MAGI1: variants seen among roughly 807,000 people sequenced by gnomAD.
MAGI1 encodes membrane-associated guanylate kinase, WW and PDZ domain-containing protein 1.
Under a neutral mutation model 139.9 loss-of-function variants are expected in MAGI1, and 58 were observed. The ratio of observed to expected loss-of-function variants is 0.41; its 90% CI spans 0.34 to 0.52. The LOEUF (loss-of-function observed/expected upper bound fraction) is 0.52. Among genes scored for constraint, MAGI1 ranks in the 20% least tolerant of loss-of-function variants. MAGI1 has a pLI of 0.12. For missense variants in MAGI1, 1,874 were observed against 1,901.6 expected (o/e 0.99, Z 0.27); for synonymous variants, 812 against 737.9 (o/e 1.10, Z -1.63).
At chr3:65,518,155 C>T (rs965616202) in intron 2 of MAGI1, among the ~76,000 whole-genome samples, 1 of 152,058 alleles carries the variant, frequency 6.6e-6, no homozygotes, top group Non-Finnish European at 1.5e-5. Context: ...AACCAGAAGA[C>T]ATTGTCTAGG....
At chr3:65,621,917 T>TCACACACATA in intron 2 of MAGI1, 55 bp downstream of exon 2, 3 of 986,070 alleles carry the variant, frequency 3.0e-6, no homozygotes, top group Non-Finnish European at 4.6e-6. Flanking sequence ...CCTGGACTTT[T>TCACACACATA]CACACACACA....
At chr3:65,443,006 T>C (rs1238094082) in intron 7 of MAGI1, among the ~76,000 whole-genome samples, 157 bp from the exon 8 acceptor site, 1 of 152,168 alleles carries the variant, frequency 6.6e-6, no homozygotes, top group Non-Finnish European at 1.5e-5. Context: ...AAGTATCTAT[T>C]ATTTTATAAG....
chr3:65,694,267 A>C (rs190121052), intron 1 of MAGI1, among the ~76,000 whole-genome samples: 1 of 152,340 alleles, frequency 6.6e-6, no homozygotes, highest in Admixed American at 6.5e-5. Context: ...TCATATAAAT[A>C]CTTAAGAAGT....
At chr3:65,507,753 A>G (rs2077358888) in intron 2 of MAGI1, among the ~76,000 whole-genome samples, 2 of 152,224 alleles carry the variant, frequency 1.3e-5, no homozygotes, top group African/African-American at 4.8e-5. Flanking sequence ...GAGCAATTAC[A>G]TTCTCACATT....
At chr3:65,807,851 A>G (rs1450632716) in intron 1 of MAGI1, among the ~76,000 whole-genome samples, 1 of 152,196 alleles carries the variant, frequency 6.6e-6, no homozygotes, top group Non-Finnish European at 1.5e-5. Context: ...ACGGATGAGA[A>G]AACTGAGTAC....
chr3:65,461,903 G>T (rs967057956), intron 5 of MAGI1, among the ~76,000 whole-genome samples: 4 of 151,984 alleles, frequency 2.6e-5, no homozygotes, highest in South Asian at 2.1e-4. Flanking sequence ...TCACATATTT[G>T]TTGGCCACAT....
intron 12 of MAGI1, among the ~76,000 whole-genome samples, chr3:65,422,259 T>C (rs1350027455): frequency 6.6e-6 from 1 of 152,244 alleles, no homozygotes; most frequent in East Asian, 1.9e-4. Flanking sequence ...TAGTGGCTAC[T>C]TGACAAGATG....
intron 1 of MAGI1, among the ~76,000 whole-genome samples, chr3:65,928,257 C>A (rs192562299): frequency 1.2e-3 from 180 of 152,308 alleles, no homozygotes; most frequent in African/African-American, 4.1e-3. Flanking sequence ...TCACTTAATA[C>A]TGGCCGTGGA....
chr3:65,831,585 T>G (rs1215484805), intron 1 of MAGI1, among the ~76,000 whole-genome samples: 1 of 152,192 alleles, frequency 6.6e-6, no homozygotes, highest in Non-Finnish European at 1.5e-5. Flanking sequence ...AAAGTTGGCA[T>G]GCTACCACTA....
intron 2 of MAGI1, among the ~76,000 whole-genome samples, chr3:65,509,627 A>T (rs2077475335): frequency 6.6e-6 from 1 of 152,212 alleles, no homozygotes; most frequent in Admixed American, 6.5e-5. Flanking sequence ...ACGAGATTAT[A>T]TCCCACACCT....
At chr3:65,708,411 T>C (rs2030762961) in intron 1 of MAGI1, among the ~76,000 whole-genome samples, 1 of 152,212 alleles carries the variant, frequency 6.6e-6, no homozygotes. Context: ...AGCCAGGTGC[T>C]TGCTTCACTG....
intron 12 of MAGI1, among the ~76,000 whole-genome samples, chr3:65,412,562 C>T (rs1457999285): frequency 2.0e-5 from 3 of 152,178 alleles, no homozygotes; most frequent in Admixed American, 2.0e-4. Context: ...ATCTGGTCAA[C>T]AGTTCAATAA....
intron 16 of MAGI1, among the ~76,000 whole-genome samples, chr3:65,381,052 A>G (rs891582363): frequency 5.3e-5 from 8 of 152,170 alleles, no homozygotes; most frequent in Non-Finnish European, 7.3e-5. Context: ...ATAGAAGACA[A>G]TCACCTCTGC....
At chr3:65,390,197 G>C (rs927855606) in intron 14 of MAGI1, among the ~76,000 whole-genome samples, 3 of 152,166 alleles carry the variant, frequency 2.0e-5, no homozygotes, top group Non-Finnish European at 4.4e-5. Flanking sequence ...TTGCAGCTAG[G>C]AATGAAACCT....
chr3:65,557,438 C>G (rs1406768048), intron 2 of MAGI1, among the ~76,000 whole-genome samples: 1 of 152,192 alleles, frequency 6.6e-6, no homozygotes, highest in Non-Finnish European at 1.5e-5. Context: ...TGACAGCCAG[C>G]TGTATCCTCA....
intron 17 of MAGI1, among the ~76,000 whole-genome samples, chr3:65,378,703 A>G (rs1942780226): frequency 6.7e-6 from 1 of 148,460 alleles, no homozygotes; most frequent in Admixed American, 6.7e-5. Flanking sequence ...TTTTTTTAAG[A>G]CAGAGTCTCG....
intron 3 of MAGI1, among the ~76,000 whole-genome samples, chr3:65,481,335 G>C (rs541018823): frequency 6.6e-6 from 1 of 152,324 alleles, no homozygotes; most frequent in South Asian, 2.1e-4. Context: ...TACAGTGGTT[G>C]TATCAAAGGA....
intron 1 of MAGI1, among the ~76,000 whole-genome samples, chr3:65,625,708 C>T (rs895594574): frequency 1.3e-5 from 2 of 152,120 alleles, no homozygotes; most frequent in African/African-American, 4.8e-5. Flanking sequence ...TCAGTTCAAA[C>T]ATGAACTCTT....
intron 1 of MAGI1, among the ~76,000 whole-genome samples, chr3:65,637,976 G>A (rs1228660608): frequency 6.6e-6 from 1 of 152,156 alleles, no homozygotes; most frequent in Admixed American, 6.5e-5. Flanking sequence ...TGGACTACAG[G>A]AGGAGCTGGC....
Sources: gnomAD v4.1 joint callset for allele counts (sites outside exome capture counted in the v4.1 genomes callset) on GRCh38, gnomAD v4.1.1 for gene constraint, MANE v1.5 for transcripts, NCBI Gene and HGNC (gene_info 2026-07-23, HGNC 2026-07-21) for gene names.